The following MAML3 variants were observed in gnomAD, a reference collection of about 807,000 sequenced individuals.
MAML3 encodes mastermind-like protein 3.
MAML3 carries 27 observed loss-of-function variants against 101.9 expected under a neutral mutation model. The observed-to-expected ratio is 0.27, with a 90% confidence interval of 0.20 to 0.37. MAML3 has a LOEUF of 0.37. Ranked by LOEUF, MAML3 falls within the 10% of genes least tolerant of loss-of-function variation. The pLI, the probability that MAML3 is intolerant of heterozygous loss-of-function variation, is 1.00. For missense variants in MAML3, 1,316 were observed against 1,444.9 expected (o/e 0.91, Z 1.45); for synonymous variants, 501 against 555.9 (o/e 0.90, Z 1.39).
intron 2 of MAML3, among the ~76,000 whole-genome samples, chr4:139,765,039 C>T (rs755089460): frequency 3.9e-5 from 6 of 152,214 alleles, no homozygotes; most frequent in Non-Finnish European, 2.9e-5. Flanking sequence ...GACCAGTCCC[C>T]CAGGCTGGTC....
In MAML3 at chr4:140,083,797, C is replaced by T. The variant is rs1727901010; in HGVS notation, c.468+69063G>A. On this transcript the variant is annotated intron_variant, in intron 1 of 4. Transcript: ENST00000509479. Reference sequence around the variant, plus strand: ...TCCACTTGCCATTCTCTACCTCTCTCCCAGGCAGTTTACAAGCATTTGGCC... The same window carrying T: ...TCCACTTGCCATTCTCTACCTCTCTTCCAGGCAGTTTACAAGCATTTGGCC... Among the ~76,000 whole-genome samples the T allele has an allele frequency of 2.6e-5, 4 of 152,092 alleles. No homozygotes were observed. In the South Asian group the frequency reaches 8.3e-4, roughly 32 times the overall value.
chr4:139,980,595 A>G (rs1734427105), intron 1 of MAML3, among the ~76,000 whole-genome samples: 1 of 152,178 alleles, frequency 6.6e-6, no homozygotes, highest in South Asian at 2.1e-4. Flanking sequence ...TTTTAGTCTA[A>G]TGATCGAGTT....
At chr4:140,112,683 G>A (rs1165462532) in intron 1 of MAML3, among the ~76,000 whole-genome samples, 1 of 152,220 alleles carries the variant, frequency 6.6e-6, no homozygotes, top group African/African-American at 2.4e-5. Context: ...TGCTTGCAGG[G>A]CCAAATGTAG....
chr4:139,779,044 GC>G (rs1173548498), intron 2 of MAML3, among the ~76,000 whole-genome samples: 1 of 151,610 alleles, frequency 6.6e-6, no homozygotes, highest in Non-Finnish European at 1.5e-5. Context: ...CCTTTACACA[GC>G]CTACTTTGAT....
At chr4:140,001,334 T>C (rs1274384114) in intron 1 of MAML3, among the ~76,000 whole-genome samples, 2 of 152,212 alleles carry the variant, frequency 1.3e-5, no homozygotes, top group African/African-American at 2.4e-5. Flanking sequence ...ATCCCATATA[T>C]CCTGATAACT....
chr4:140,138,852 A>G (rs1728938589), intron 1 of MAML3, among the ~76,000 whole-genome samples: 1 of 152,234 alleles, frequency 6.6e-6, no homozygotes, highest in African/African-American at 2.4e-5. Context: ...TTAAAATTTC[A>G]TATCTTCTTT....
intron 2 of MAML3, among the ~76,000 whole-genome samples, chr4:139,760,366 A>T (rs1416238118): frequency 1.3e-5 from 2 of 152,180 alleles, no homozygotes; most frequent in Non-Finnish European, 2.9e-5. Flanking sequence ...GAGGCAGGGA[A>T]GTGGGATAGA....
At position 140,027,182 on chromosome 4, in the gene MAML3, G is replaced by C. The variant is rs181591361; in HGVS notation, c.468+125678C>G. Among the ~76,000 whole-genome samples, 84 of 152,206 alleles carry C rather than the reference G, an allele frequency of 5.5e-4. 1 individual carries two copies. Among genetic ancestry groups the C allele is most frequent in the African/African-American group, 2.0e-3 (83 of 41,534 alleles). ...TGAAGAAAAATATCCCCGTCTTGTT[G>C]CTTCTTGGTAGCCCATGGCATTATC... On this transcript the variant is annotated intron_variant, in intron 1 of 4. Transcript: ENST00000509479.
intron 1 of MAML3, among the ~76,000 whole-genome samples, chr4:139,970,907 T>G (rs188196892): frequency 6.6e-6 from 1 of 152,312 alleles, no homozygotes; most frequent in Admixed American, 6.5e-5. Flanking sequence ...ATCATGCTAC[T>G]CTATTTGTTT....
chr4:139,774,824 A>G (rs946126742), intron 2 of MAML3, among the ~76,000 whole-genome samples: 1 of 152,198 alleles, frequency 6.6e-6, no homozygotes, highest in African/African-American at 2.4e-5. Flanking sequence ...ATCTTATTGA[A>G]TCTCCACACT....
At chr4:139,809,937 G>A (rs557771087) in intron 2 of MAML3, among the ~76,000 whole-genome samples, 3 of 151,582 alleles carry the variant, frequency 2.0e-5, no homozygotes, top group South Asian at 4.2e-4. Context: ...CTTTGTAGAT[G>A]AATAATGGTA....
intron 1 of MAML3, among the ~76,000 whole-genome samples, chr4:139,939,174 G>A (rs1478342533): frequency 2.0e-5 from 3 of 152,158 alleles, no homozygotes; most frequent in Non-Finnish European, 4.4e-5. Flanking sequence ...ATGATTGTAT[G>A]TGCTTCTTCC....
At chr4:139,885,954 A>AAAAG (rs1487416845) in intron 2 of MAML3, among the ~76,000 whole-genome samples, 3 of 143,084 alleles carry the variant, frequency 2.1e-5, no homozygotes, top group East Asian at 2.0e-4. Context: ...AAAAAAAAAA[A>AAAAG]AAAGAAAGAG....
chr4:139,929,189 A>G (rs1733329273), intron 1 of MAML3, among the ~76,000 whole-genome samples: 1 of 152,216 alleles, frequency 6.6e-6, no homozygotes, highest in African/African-American at 2.4e-5. Flanking sequence ...TGAGTGGACA[A>G]AAAAGGAGGG....
chr4:140,109,058 G>A (rs1044469857), intron 1 of MAML3, among the ~76,000 whole-genome samples: 2 of 152,090 alleles, frequency 1.3e-5, no homozygotes, highest in African/African-American at 4.8e-5. Flanking sequence ...TTGAGACAAA[G>A]CACCACACAC....
intron 1 of MAML3, among the ~76,000 whole-genome samples, chr4:139,938,959 G>A (rs1451095120): frequency 6.6e-6 from 1 of 152,192 alleles, no homozygotes; most frequent in African/African-American, 2.4e-5. Flanking sequence ...ATGCATATAT[G>A]TCTAAAGACA....
chr4:139,760,320 G>A (rs1729730691), intron 2 of MAML3, among the ~76,000 whole-genome samples: 1 of 152,208 alleles, frequency 6.6e-6, no homozygotes, highest in Non-Finnish European at 1.5e-5. Flanking sequence ...CTAGAATTCA[G>A]GTGAACAAGA....
chr4:140,152,798 G>GCCCCCCCCCCC, intron 1 of MAML3, 62 bp downstream of exon 1: 21 of 1,555,786 alleles, frequency 1.3e-5, no homozygotes, highest in Non-Finnish European at 1.7e-5. Flanking sequence ...AGCTCCACGC[G>GCCCCCCCCCCC]CCCCCCACCA....
At chr4:139,801,907 G>A (rs1560798686) in intron 2 of MAML3, among the ~76,000 whole-genome samples, 1 of 152,130 alleles carries the variant, frequency 6.6e-6, no homozygotes. Context: ...CTCCCCATGG[G>A]TGCCTGAGCT....
Sources: allele counts gnomAD v4.1 joint callset (sites outside exome capture counted in the v4.1 genomes callset), GRCh38; gene constraint gnomAD v4.1.1; transcripts MANE v1.5; gene names NCBI Gene and HGNC (gene_info 2026-07-23, HGNC 2026-07-21).